Variants in RABGAP1 observed in about 807,000 individuals in gnomAD.
The protein encoded by RABGAP1 is RAB GTPase activating protein 1.
In RABGAP1, 23 loss-of-function variants were observed where a neutral mutation model predicts 137.6. The ratio of observed to expected loss-of-function variants is 0.17; its 90% CI spans 0.12 to 0.24. RABGAP1 has a LOEUF of 0.24. RABGAP1 is among the 10% of genes least tolerant of loss of function. The pLI, the probability that RABGAP1 is intolerant of heterozygous loss-of-function variation, is 1.00. For synonymous variants in RABGAP1, 451 were observed against 450.7 expected (o/e 1.00, Z -0.01); for missense variants, 906 against 1,275.8 (o/e 0.71, Z 4.42).
At chr9:122,940,817 C>T (rs1000035499), upstream of RABGAP1, 5 of 152,530 alleles carry the variant, frequency 3.3e-5, no homozygotes, top group Admixed American at 1.3e-4. Context: ...AGCCAGTGCA[C>T]TTCGCGCAGG....
At chr9:123,005,112 G>C (rs1228785263) in intron 10 of RABGAP1, among the ~76,000 whole-genome samples, 1 of 150,206 alleles carries the variant, frequency 6.7e-6, no homozygotes. Flanking sequence ...TAGAATTATT[G>C]GGTGAAATTT....
intron 19 of RABGAP1, among the ~76,000 whole-genome samples, chr9:123,087,241 T>C (rs1448116933): frequency 2.0e-5 from 3 of 152,174 alleles, no homozygotes; most frequent in Non-Finnish European, 4.4e-5. Context: ...ACAACATATA[T>C]CTATGGGGAA....
intron 13 of RABGAP1, among the ~76,000 whole-genome samples, chr9:123,054,855 AAC>A (rs1161213130): frequency 2.6e-5 from 4 of 152,210 alleles, no homozygotes; most frequent in Non-Finnish European, 5.9e-5. Context: ...GAGGAGGAAG[AAC>A]ACAGAGGTAA....
intron 14 of RABGAP1, among the ~76,000 whole-genome samples, chr9:123,065,825 G>A (rs1360242373): frequency 6.6e-6 from 1 of 152,152 alleles, no homozygotes; most frequent in African/African-American, 2.4e-5. Flanking sequence ...CCTACGGTAC[G>A]GTCTCACAGT....
Position 122,990,049 on chromosome 9 carries a change from G to T in RABGAP1, c.766-7G>T, listed in dbSNP as rs1483397608. Reference sequence around the variant, plus strand: ...AACAGCCCATTTCCTAACATGTCTGGTTGTAGGTAAGCCGGATACTTTACA... The same window carrying T: ...AACAGCCCATTTCCTAACATGTCTGTTTGTAGGTAAGCCGGATACTTTACA... On this transcript the variant is annotated splice_region_variant and splice_polypyrimidine_tract_variant and intron_variant, in intron 5 of 25. Transcript: ENST00000373647. The T allele has an allele frequency of 1.9e-6, 3 of 1,589,140 alleles. No individual in the cohort carries two copies. In the African/African-American group the frequency reaches 4.1e-5, roughly 22 times the overall value.
intron 13 of RABGAP1, among the ~76,000 whole-genome samples, chr9:123,024,668 G>A (rs1358846271): frequency 1.3e-5 from 2 of 151,976 alleles, no homozygotes; most frequent in Non-Finnish European, 2.9e-5. Flanking sequence ...TCGAACTCCC[G>A]ACCTCGTGAT....
At chr9:123,007,149 C>T (rs1196382601) in intron 10 of RABGAP1, among the ~76,000 whole-genome samples, 3 of 151,802 alleles carry the variant, frequency 2.0e-5, no homozygotes, top group Non-Finnish European at 4.4e-5. Context: ...TCCTGGCTCA[C>T]TGCAACCTCC....
At chr9:122,984,353 TA>T (rs759983305) in intron 2 of RABGAP1, 131 bp from the exon 3 acceptor site, 37 of 774,820 alleles carry the variant, frequency 4.8e-5, no homozygotes, top group South Asian at 3.6e-4. Flanking sequence ...ATTCTATTTT[TA>T]AAAAAAACAT....
intron 2 of RABGAP1, among the ~76,000 whole-genome samples, chr9:122,976,173 AC>A (rs1835752322): frequency 6.6e-6 from 1 of 152,214 alleles, no homozygotes; most frequent in Non-Finnish European, 1.5e-5. Context: ...TCATATGTTT[AC>A]AGTAGCTGCT....
intron 10 of RABGAP1, among the ~76,000 whole-genome samples, chr9:123,004,239 G>A (rs1019553357): frequency 3.9e-5 from 6 of 152,180 alleles, no homozygotes; most frequent in African/African-American, 1.4e-4. Context: ...CACTTAGCAA[G>A]TAATCTTTGG....
At chr9:123,067,956 C>T (rs1036508657) in intron 14 of RABGAP1, among the ~76,000 whole-genome samples, 1 of 152,126 alleles carries the variant, frequency 6.6e-6, no homozygotes, top group Non-Finnish European at 1.5e-5. Context: ...CTGTGCTGAG[C>T]ATGTTAAATG....
At chr9:122,970,675 C>T (rs1835423385) in intron 2 of RABGAP1, among the ~76,000 whole-genome samples, 1 of 152,088 alleles carries the variant, frequency 6.6e-6, no homozygotes, top group South Asian at 2.1e-4. Flanking sequence ...TCCATGTGTA[C>T]CCAATGGAAA....
At chr9:123,022,924 G>C (rs556591989) in intron 13 of RABGAP1, among the ~76,000 whole-genome samples, 6 of 152,018 alleles carry the variant, frequency 3.9e-5, no homozygotes, top group Non-Finnish European at 2.9e-5. Context: ...AATGTTTTTG[G>C]GGGGAGTAAG....
chr9:123,036,524 G>A (rs1171810007), intron 13 of RABGAP1, among the ~76,000 whole-genome samples: 1 of 152,150 alleles, frequency 6.6e-6, no homozygotes, highest in Admixed American at 6.5e-5. Context: ...AATATTGTCT[G>A]TTCTTTCTAT....
At chr9:122,943,702 C>T (rs1833752300) in intron 1 of RABGAP1, among the ~76,000 whole-genome samples, 1 of 152,128 alleles carries the variant, frequency 6.6e-6, no homozygotes, top group South Asian at 2.1e-4. Context: ...GCCTGTAATC[C>T]CAGCACTTTG....
chr9:123,101,606 A>G lies in RABGAP1; in HGVS notation c.2930A>G (p.Asn977Ser), dbSNP rs1295415255. 4 of 1,614,124 alleles carry G rather than the reference A, an allele frequency of 2.5e-6. No homozygotes were observed. The highest frequency in any genetic ancestry group is 1.7e-6 in the Non-Finnish European group (2 of 1,180,014). ...TGTGAGCGGTGCCGGGAATTTTTCAACAAAGAAGGGCGTGTAAAAGGCATA... is the reference window on the plus strand; with the variant it reads ...TGTGAGCGGTGCCGGGAATTTTTCAGCAAAGAAGGGCGTGTAAAAGGCATA... ...DDCERCREFF[N>S]KEGRVKGISS... Residue 977 changes from asparagine to serine, a missense_variant, in exon 25 of 26, where the codon AAC becomes AGC. This residue lies in a region of RABGAP1 where 193 missense variants were observed against 248.1 expected (regional missense o/e 0.78). Coordinates refer to ENST00000373647, the MANE Select transcript of RABGAP1 (RefSeq NM_012197.4).
chr9:123,041,347 AC>A (rs1364550890), intron 13 of RABGAP1, among the ~76,000 whole-genome samples: 1 of 152,142 alleles, frequency 6.6e-6, no homozygotes, highest in East Asian at 1.9e-4. Context: ...TTTAATTTTC[AC>A]AGCAACCTAT....
At chr9:122,972,267 AAAAAAT>A (rs1425798707) in intron 2 of RABGAP1, among the ~76,000 whole-genome samples, 7 of 152,150 alleles carry the variant, frequency 4.6e-5, no homozygotes, top group Non-Finnish European at 8.8e-5. Context: ...CTGTCTCTTT[AAAAAAT>A]AAAAATAAAA....
At chr9:123,020,175 C>T in intron 12 of RABGAP1, 134 bp from the exon 13 acceptor site, 1 of 762,570 alleles carries the variant, frequency 1.3e-6, no homozygotes, top group Non-Finnish European at 1.8e-6. Context: ...TTCAGAAGCA[C>T]TTTTTTTTCC....
Sources: allele counts gnomAD v4.1 joint callset (sites outside exome capture counted in the v4.1 genomes callset), GRCh38; gene constraint gnomAD v4.1.1; regional missense constraint gnomAD v4.1.1; transcripts MANE v1.5; gene names NCBI Gene and HGNC (gene_info 2026-07-23, HGNC 2026-07-21).